The following ABCA12 variants were observed in gnomAD, a reference collection of about 807,000 sequenced individuals.
ABCA12 encodes glucosylceramide transporter ABCA12.
A neutral mutation model predicts 293.5 loss-of-function variants in ABCA12; 156 were observed. The observed-to-expected ratio is 0.53, with a 90% CI of 0.47 to 0.61. The LOEUF is 0.61. Among genes scored for constraint, ABCA12 ranks in the 20% least tolerant of loss-of-function variants. ABCA12 has a pLI of 0.00. For missense variants in ABCA12, 2,797 were observed against 3,090.2 expected (o/e 0.91, Z 2.25); for synonymous variants, 1,063 against 1,108.0 (o/e 0.96, Z 0.81).
intron 1 of ABCA12, among the ~76,000 whole-genome samples, chr2:215,119,681 C>T (rs1702760451): frequency 6.7e-6 from 1 of 148,742 alleles, no homozygotes; most frequent in African/African-American, 2.5e-5. Context: ...GTTTTTGGAC[C>T]AGTGCCATGC....
In ABCA12 at chr2:214,959,060, T is replaced by C. The variant is rs772061707; in HGVS notation, c.5903A>G (p.His1968Arg). The change falls in exon 40 of 53, where the codon CAT (histidine) becomes CGT (arginine). Residue 1968 changes from histidine to arginine, a missense_variant. Coordinates refer to ENST00000272895, the MANE Select transcript of ABCA12 (RefSeq NM_173076.3). ...TTGGTCTTGCACTCCTGGATAAGGA[T>C]GGCTATACATGATGATGCCTTAAAG... Reference protein sequence around the residue: ...AARHGIIMYSHPYPGVQDQEQ... With the variant: ...AARHGIIMYSRPYPGVQDQEQ... The C allele has an allele frequency of 3.1e-6, 5 of 1,613,798 alleles. No homozygotes were observed.
At chr2:214,955,954 G>A (rs544735109) in intron 42 of ABCA12, among the ~76,000 whole-genome samples, 1 of 152,266 alleles carries the variant, frequency 6.6e-6, no homozygotes, top group East Asian at 1.9e-4. Flanking sequence ...AGTTTAATCA[G>A]TATAAATCTT....
At chr2:215,057,884 C>T (rs1424640866) in intron 3 of ABCA12, among the ~76,000 whole-genome samples, 2 of 152,124 alleles carry the variant, frequency 1.3e-5, no homozygotes, top group East Asian at 3.9e-4. Context: ...AAGTTATCAT[C>T]TTACATCGTA....
intron 1 of ABCA12, among the ~76,000 whole-genome samples, chr2:215,123,778 A>AT (rs200877715): frequency 1.3e-5 from 2 of 151,450 alleles, no homozygotes; most frequent in Non-Finnish European, 2.9e-5. Context: ...CTTTATTTTA[A>AT]TTTTTTTTAT....
intron 9 of ABCA12, among the ~76,000 whole-genome samples, chr2:215,027,784 A>G (rs1700781761): frequency 6.6e-6 from 1 of 152,192 alleles, no homozygotes; most frequent in African/African-American, 2.4e-5. Context: ...AATATTGAAT[A>G]ACTAGATTTG....
At chr2:215,129,097 C>T (rs12694354) in intron 1 of ABCA12, among the ~76,000 whole-genome samples, 26,417 of 152,098 alleles carry the variant, frequency 0.17, 2,726 homozygotes, top group African/African-American at 0.26. Flanking sequence ...CTATTCTACC[C>T]GGCTCTGGAC....
At chr2:215,081,376 G>C (rs1440405605) in intron 2 of ABCA12, among the ~76,000 whole-genome samples, 6 of 151,586 alleles carry the variant, frequency 4.0e-5, no homozygotes, top group Non-Finnish European at 5.9e-5. Flanking sequence ...TACTCTGGGT[G>C]CTGAGGCAGG....
At chr2:215,052,986 A>G (rs983762713) in intron 4 of ABCA12, among the ~76,000 whole-genome samples, 1 of 152,122 alleles carries the variant, frequency 6.6e-6, no homozygotes, top group Non-Finnish European at 1.5e-5. Context: ...GCCAATGCAC[A>G]TCTGGTGATA....
rs550159109 is a variant in ABCA12 at position 215,070,654 on chromosome 2, G to A, written c.164-6435C>T. ...GCGGTGTTTGTTTTTTTGTCCTTGT[G>A]ATAGTTTACTGAGAATGATGATTAA... On this transcript the variant is annotated intron_variant, in intron 2 of 52. Transcript: ENST00000272895. Among the ~76,000 whole-genome samples the A allele has an allele frequency of 2.7e-4, 41 of 149,552 alleles. 1 individual carries two copies. The South Asian group carries it at 8.4e-3, about 31-fold the overall frequency.
intron 1 of ABCA12, among the ~76,000 whole-genome samples, chr2:215,128,765 T>G (rs1441190342): frequency 2.0e-5 from 3 of 152,206 alleles, no homozygotes; most frequent in Non-Finnish European, 2.9e-5. Flanking sequence ...CCTGATTAGC[T>G]TAATAACTAA....
At position 214,981,980 on chromosome 2, in the gene ABCA12, TA is replaced by T. The variant is rs1474459893; in HGVS notation, c.4579+206del. Among the ~76,000 whole-genome samples the T allele has an allele frequency of 6.5e-3, 915 of 139,832 alleles. 12 individuals are homozygous for T. Among genetic ancestry groups the T allele is most frequent in the African/African-American group, 0.024 (852 of 36,122 alleles). The allele number at this position is 139,832 out of a possible 152,430, so 91.7% of individuals were successfully genotyped here. On this transcript the variant is annotated intron_variant, in intron 30 of 52. Coordinates refer to ENST00000272895, the MANE Select transcript of ABCA12 (RefSeq NM_173076.3). ...TTATTATTATTATTATTATTATTATTATTATTTTATTATTATTGACAGCGTC... is the reference window on the plus strand; with the variant it reads ...TTATTATTATTATTATTATTATTATTTTATTTTATTATTATTGACAGCGTC...
chr2:214,973,855 A>AG (rs1342103689), intron 36 of ABCA12, 94 bp downstream of exon 36: 1 of 1,090,726 alleles, frequency 9.2e-7, no homozygotes. Context: ...AAATGAACTT[A>AG]TACTGATTCT....
chr2:215,056,268 C>A (rs566083304), intron 3 of ABCA12, among the ~76,000 whole-genome samples: 2 of 152,196 alleles, frequency 1.3e-5, no homozygotes, highest in African/African-American at 2.4e-5. Flanking sequence ...ACGGAGGACA[C>A]TTTACTCATC....
chr2:215,056,248 C>T (rs1041110311), intron 3 of ABCA12, among the ~76,000 whole-genome samples: 5 of 152,084 alleles, frequency 3.3e-5, no homozygotes, highest in African/African-American at 4.8e-5. Context: ...GCAAAAGCTG[C>T]ATCTGCTCCA....
At chr2:215,089,580 T>G (rs1702100965) in intron 2 of ABCA12, among the ~76,000 whole-genome samples, 1 of 152,176 alleles carries the variant, frequency 6.6e-6, no homozygotes, top group Non-Finnish European at 1.5e-5. Flanking sequence ...TGCCCTCTCT[T>G]TTAAAGTTCA....
chr2:215,018,952 A>G (rs1700564522), intron 13 of ABCA12, among the ~76,000 whole-genome samples: 1 of 152,194 alleles, frequency 6.6e-6, no homozygotes, highest in South Asian at 2.1e-4. Context: ...CTGAATTGAG[A>G]TTTCTGTAGA....
chr2:215,033,770 T>A (rs1700930535), intron 8 of ABCA12, among the ~76,000 whole-genome samples: 2 of 151,788 alleles, frequency 1.3e-5, no homozygotes, highest in South Asian at 4.2e-4. Flanking sequence ...TGACACCCCG[T>A]CTCTACTAAA....
Position 215,097,158 on chromosome 2 carries a change from C to T in ABCA12, c.163+14439G>A, listed in dbSNP as rs749315049. On this transcript the variant is annotated intron_variant, in intron 2 of 52. Transcript: ENST00000272895. ...AGAAAGTTCCCTGAAGCAAAATAAGCCCTTTACCCCCACCTTCACGAAATT... is the reference window on the plus strand; with the variant it reads ...AGAAAGTTCCCTGAAGCAAAATAAGTCCTTTACCCCCACCTTCACGAAATT... Among the ~76,000 whole-genome samples, 53 of 152,092 alleles carry T rather than the reference C, an allele frequency of 3.5e-4. 1 individual carries two copies. The highest frequency in any genetic ancestry group is 6.6e-4 in the Admixed American group (10 of 15,264).
At chr2:215,035,586 A>G (rs560213397) in intron 8 of ABCA12, among the ~76,000 whole-genome samples, 1 of 148,746 alleles carries the variant, frequency 6.7e-6, no homozygotes, top group South Asian at 2.1e-4. Flanking sequence ...AATTGCTTGA[A>G]CCTGGGAAGC....
Sources: gnomAD v4.1 joint callset for allele counts (sites outside exome capture counted in the v4.1 genomes callset) on GRCh38, gnomAD v4.1.1 for gene constraint, MANE v1.5 for transcripts, NCBI Gene and HGNC (gene_info 2026-07-23, HGNC 2026-07-21) for gene names.